REXO5: variants seen among roughly 807,000 people sequenced by gnomAD.
REXO5 encodes RNA exonuclease 5.
In REXO5, 48 loss-of-function variants were observed where a neutral mutation model predicts 88.5. That is an observed-to-expected ratio of 0.54 (90% CI 0.43 to 0.69). The LOEUF is 0.69. Ranked by LOEUF, REXO5 falls within the 30% of genes least tolerant of loss-of-function variation. The pLI is 0.00. For synonymous variants in REXO5, 311 were observed against 336.5 expected (o/e 0.92, Z 0.83); for missense variants, 749 against 912.2 (o/e 0.82, Z 2.30).
At chr16:20,847,097 T>C (rs1029172320) in intron 19 of REXO5, among the ~76,000 whole-genome samples, 3 of 152,028 alleles carry the variant, frequency 2.0e-5, no homozygotes, top group African/African-American at 4.8e-5. Flanking sequence ...GTTGTGTTAA[T>C]TTTTAAAAGT....
chr16:20,842,478 G>GTTTTTTTT (rs201370873), intron 15 of REXO5, among the ~76,000 whole-genome samples: 2 of 133,064 alleles, frequency 1.5e-5, no homozygotes, highest in African/African-American at 2.7e-5. Context: ...CCTTTGTTTT[G>GTTTTTTTT]TTTGTTTTTT....
chr16:20,836,520 A>G (rs1490753007), intron 13 of REXO5, among the ~76,000 whole-genome samples: 1 of 152,184 alleles, frequency 6.6e-6, no homozygotes, highest in Non-Finnish European at 1.5e-5. Flanking sequence ...CAATTTATCC[A>G]TTCACCTGCT....
At chr16:20,841,491 C>T (rs2081527331) in intron 15 of REXO5, among the ~76,000 whole-genome samples, 1 of 152,130 alleles carries the variant, frequency 6.6e-6, no homozygotes, top group African/African-American at 2.4e-5. Context: ...GAATTCGGAA[C>T]TAGGTAACTA....
At chr16:20,839,908 C>A in intron 14 of REXO5, 49 bp downstream of exon 14, 2 of 1,154,284 alleles carry the variant, frequency 1.7e-6, no homozygotes, top group Non-Finnish European at 2.5e-6. Flanking sequence ...CTTATTATAA[C>A]CTCTCATCAT....
chr16:20,846,487 T>A (rs1019126673), intron 19 of REXO5, 148 bp downstream of exon 19: 1 of 596,878 alleles, frequency 1.7e-6, no homozygotes, highest in African/African-American at 1.9e-5. Context: ...AAGATAGGCA[T>A]TGTATTCCCA....
intron 14 of REXO5, 56 bp from the exon 15 acceptor site, chr16:20,840,275 T>G (rs568149269): frequency 1.4e-6 from 2 of 1,409,220 alleles, no homozygotes; most frequent in African/African-American, 2.8e-5. Flanking sequence ...TGACTCATGA[T>G]TTCAGTTCTC....
At chr16:20,837,630 C>T (rs1402623044) in intron 13 of REXO5, among the ~76,000 whole-genome samples, 3 of 152,122 alleles carry the variant, frequency 2.0e-5, no homozygotes, top group Non-Finnish European at 4.4e-5. Flanking sequence ...TTCATATCCT[C>T]AAATGCTTGG....
At chr16:20,834,538 C>A (rs2081395354) in intron 13 of REXO5, among the ~76,000 whole-genome samples, 1 of 152,114 alleles carries the variant, frequency 6.6e-6, no homozygotes, top group Non-Finnish European at 1.5e-5. Context: ...TTATTTCTCC[C>A]CATTATTTTT....
At chr16:20,836,421 G>A (rs2081430928) in intron 13 of REXO5, among the ~76,000 whole-genome samples, 1 of 151,966 alleles carries the variant, frequency 6.6e-6, no homozygotes, top group Non-Finnish European at 1.5e-5. Flanking sequence ...CTTAGTATAT[G>A]TATTTAAGTT....
At chr16:20,810,059 G>T (rs1321257995) in intron 2 of REXO5, among the ~76,000 whole-genome samples, 1 of 152,174 alleles carries the variant, frequency 6.6e-6, no homozygotes, top group Non-Finnish European at 1.5e-5. Context: ...CTTTGAGCAT[G>T]TCATTACTTT....
Position 20,824,497 on chromosome 16 carries a change from T to C in REXO5, c.675T>C (p.Asn225=), listed in dbSNP as rs1442931375. Reference sequence around the variant, plus strand: ...AATGTAATGGTTCTATAGCAGACAATAGTCCTCTCTTTGGACTTGACTGTG... The same window carrying C: ...AATGTAATGGTTCTATAGCAGACAACAGTCCTCTCTTTGGACTTGACTGTG... ...LTKCNGSIAD[N]SPLFGLDCEM... is the part of the protein sequence containing the mutation. Residue 225 remains asparagine, a synonymous_variant, in exon 7 of 20, where the codon AAT becomes AAC. Transcript: ENST00000261377. 29 of 1,611,370 alleles carry C rather than the reference T, an allele frequency of 1.8e-5. No homozygotes were observed. Among genetic ancestry groups the C allele is most frequent in the Non-Finnish European group, 2.5e-5 (29 of 1,177,930 alleles).
Position 20,849,551 on chromosome 16 carries a change from G to A in REXO5, c.*71G>A. 1.5e-6 allele frequency: 2 copies of A among 1,360,450 alleles called. No homozygotes were observed. The highest frequency in any genetic ancestry group is 1.1e-6 in the Non-Finnish European group (1 of 951,894). 84.3% of individuals were successfully genotyped at this position (1,360,450 alleles called of 1,614,324 possible). On this transcript the variant is annotated 3_prime_UTR_variant, in exon 20 of 20. Transcript: ENST00000261377. ...CAATGGCAAAGAATGTGGTCAGGCTGTAGCCTCCCCAACCAGCAGACAGCT... is the reference window on the plus strand; with the variant it reads ...CAATGGCAAAGAATGTGGTCAGGCTATAGCCTCCCCAACCAGCAGACAGCT...
In REXO5 at chr16:20,815,068, C is replaced by T. The variant is rs1408662237; in HGVS notation, c.378+15C>T. On this transcript the variant is annotated intron_variant, in intron 4 of 19. Coordinates refer to ENST00000261377, the MANE Select transcript of REXO5 (RefSeq NM_030941.3). The stretch of plus-strand genomic sequence containing the variant: ...CATTCAGACATGTAAGTTAAGAATA[C>T]TTTGTACTAGGGGCTGAGTCTGTTT... 3 of 1,606,316 alleles carry T rather than the reference C, an allele frequency of 1.9e-6. No homozygotes were observed. The highest frequency in any genetic ancestry group is 2.7e-5 in the African/African-American group (2 of 74,574).
chr16:20,824,400 C>G (rs1209643657), intron 6 of REXO5, 39 bp from the exon 7 acceptor site: 2 of 1,164,030 alleles, frequency 1.7e-6, no homozygotes, highest in Non-Finnish European at 2.6e-6. Flanking sequence ...TTTACCATCT[C>G]TATTCTAAAG....
In REXO5 at chr16:20,832,273, T is replaced by A. The variant is rs1479093514; in HGVS notation, c.1262+14T>A. ...CCCAAACACAAGGTAATATTTTCAG[T>A]TTGAAACAAGAGCAAAGACAAATGG... is the stretch of plus-strand genomic sequence containing the variant. On this transcript the variant is annotated intron_variant, in intron 12 of 19. Transcript: ENST00000261377. The A allele has an allele frequency of 3.2e-6, 5 of 1,553,028 alleles. No individual in the cohort carries two copies. Among genetic ancestry groups the A allele is most frequent in the Non-Finnish European group, 3.5e-6 (4 of 1,131,298 alleles).
In REXO5 at chr16:20,813,351, T is replaced by TTC; in HGVS notation, c.251+50_251+51insCT. ...GGTATTGACCAGCGGTTTCTTTTTT[T>TTC]TTTTTTTTTTTTTACCTCTCCCAAG... On this transcript the variant is annotated intron_variant, in intron 3 of 19. Coordinates refer to ENST00000261377, the MANE Select transcript of REXO5 (RefSeq NM_030941.3). The TTC allele has an allele frequency of 4.6e-6, 4 of 860,490 alleles. No homozygotes were observed. The East Asian group carries it at 1.2e-4, about 26-fold the overall frequency. The allele number at this position is 860,490 out of a possible 1,614,324, so 53.3% of individuals were successfully genotyped here. A position where few individuals can be genotyped will look rare whatever the true frequency, so the allele number is the denominator to read the frequency against.
At chr16:20,844,049 C>A in intron 16 of REXO5, 23 bp downstream of exon 16, 1 of 1,468,466 alleles carries the variant, frequency 6.8e-7, no homozygotes, top group South Asian at 1.1e-5. Flanking sequence ...GAGAAAGCCC[C>A]CTTTGCTTGG....
At chr16:20,814,702 A>G (rs1409519552) in intron 3 of REXO5, among the ~76,000 whole-genome samples, 1 of 152,160 alleles carries the variant, frequency 6.6e-6, no homozygotes, top group Admixed American at 6.5e-5. Context: ...TTTGCTTGGT[A>G]TTTTACTGGA....
rs1051542425 is a variant in REXO5, at chr16:20,843,820, T to G, written c.1627-114T>G. On this transcript the variant is annotated intron_variant, in intron 15 of 19. Transcript: ENST00000261377. ...TCAATACTTGTGTAGCCCAGCACAG[T>G]AAAGGCATCCATTCTGGTGGCTTTG... 1.2e-5 allele frequency: 8 copies of G among 664,364 alleles called. No individual in the cohort carries two copies. In the African/African-American group the frequency reaches 1.4e-4, roughly 12 times the overall value. The allele number at this position is 664,364 out of a possible 1,614,324, so 41.2% of individuals were successfully genotyped here.
Sources: allele counts gnomAD v4.1 joint callset (sites outside exome capture counted in the v4.1 genomes callset), GRCh38; gene constraint gnomAD v4.1.1; transcripts MANE v1.5; gene names NCBI Gene and HGNC (gene_info 2026-07-23, HGNC 2026-07-21).